The following KIAA1958 variants were observed in gnomAD, a reference collection of about 807,000 sequenced individuals.
KIAA1958 encodes the protein uncharacterized protein KIAA1958.
KIAA1958 carries 14 observed loss-of-function variants against 47.2 expected under a neutral mutation model. That is an observed-to-expected ratio of 0.30 (90% CI 0.20 to 0.46). The LOEUF (loss-of-function observed/expected upper bound fraction) is 0.46. Ranked by LOEUF, KIAA1958 falls within the 20% of genes least tolerant of loss-of-function variation. The probability of loss-of-function intolerance (pLI) is 1.00; values close to 1 mark genes in which losing one functional copy is unlikely to be tolerated. For missense variants in KIAA1958, 803 were observed against 909.2 expected (o/e 0.88, Z 1.50); for synonymous variants, 354 against 353.3 (o/e 1.00, Z -0.02).
intron 1 of KIAA1958, among the ~76,000 whole-genome samples, chr9:112,508,402 T>C (rs1834268125): frequency 6.6e-6 from 1 of 152,244 alleles, no homozygotes. Context: ...TAAATTCTCA[T>C]TCTATTTCTA....
chr9:112,616,928 G>A (rs1300799295), intron 2 of KIAA1958, among the ~76,000 whole-genome samples: 2 of 152,174 alleles, frequency 1.3e-5, no homozygotes, highest in African/African-American at 4.8e-5. Context: ...TGAACACAGA[G>A]ATGCTGGTTA....
At chr9:112,531,926 C>G (rs1834758265) in intron 1 of KIAA1958, among the ~76,000 whole-genome samples, 1 of 152,190 alleles carries the variant, frequency 6.6e-6, no homozygotes, top group South Asian at 2.1e-4. Flanking sequence ...CCCTAAAGCT[C>G]TTGGAGCAAA....
chr9:112,628,907 G>C (rs142831958), intron 2 of KIAA1958, among the ~76,000 whole-genome samples: 1 of 152,148 alleles, frequency 6.6e-6, no homozygotes, highest in African/African-American at 2.4e-5. Context: ...TACCTTTTAT[G>C]TTGTAGCCTG....
intron 2 of KIAA1958, among the ~76,000 whole-genome samples, chr9:112,579,498 G>T (rs987498459): frequency 3.3e-5 from 5 of 151,826 alleles, no homozygotes; most frequent in African/African-American, 1.2e-4. Flanking sequence ...AGCTTCATTT[G>T]TTGAATAATT....
intron 2 of KIAA1958, among the ~76,000 whole-genome samples, chr9:112,588,625 TTG>T (rs1408282058): frequency 6.6e-6 from 1 of 152,080 alleles, no homozygotes; most frequent in African/African-American, 2.4e-5. Flanking sequence ...TTTTGTTACT[TTG>T]TGTGTGTGTG....
chr9:112,569,635 T>C (rs1161442083), intron 1 of KIAA1958, among the ~76,000 whole-genome samples: 1 of 152,100 alleles, frequency 6.6e-6, no homozygotes, highest in African/African-American at 2.4e-5. Context: ...TTTTTTTTTT[T>C]TTTGAGACAA....
At chr9:112,489,534 TA>T (rs1833926588) in intron 1 of KIAA1958, among the ~76,000 whole-genome samples, 1 of 151,686 alleles carries the variant, frequency 6.6e-6, no homozygotes, top group Non-Finnish European at 1.5e-5. Flanking sequence ...TAATTAGCAA[TA>T]ATATTTTAGT....
chr9:112,610,349 AC>A (rs1193636132), intron 2 of KIAA1958, among the ~76,000 whole-genome samples: 1 of 152,054 alleles, frequency 6.6e-6, no homozygotes. Context: ...AAGATAGTTA[AC>A]AAAAACAGAG....
intron 2 of KIAA1958, among the ~76,000 whole-genome samples, chr9:112,583,236 A>T (rs532042976): frequency 1.3e-5 from 2 of 152,346 alleles, no homozygotes; most frequent in African/African-American, 4.8e-5. Flanking sequence ...TGCCAGTCAA[A>T]TGCATCCACA....
intron 1 of KIAA1958, among the ~76,000 whole-genome samples, chr9:112,497,368 AAG>A (rs1354038233): frequency 6.6e-6 from 1 of 152,176 alleles, no homozygotes; most frequent in African/African-American, 2.4e-5. Flanking sequence ...TGGACACAAA[AAG>A]AGACATTAGG....
At chr9:112,611,776 A>C (rs1836332102) in intron 2 of KIAA1958, among the ~76,000 whole-genome samples, 2 of 152,078 alleles carry the variant, frequency 1.3e-5, no homozygotes, top group Non-Finnish European at 2.9e-5. Context: ...AATATACTGG[A>C]ATGTTCTGAA....
rs149523317 is a variant in KIAA1958, at chr9:112,528,559, G to T, written c.-25+41441G>T. On this transcript the variant is annotated intron_variant, in intron 1 of 3. Transcript: ENST00000337530. ...TTATTTAGAGACAAAGTCTTGCTCT[G>T]TTGTCCAGGCTGAAGTGCAGTGGCA... Among the ~76,000 whole-genome samples the T allele has an allele frequency of 3.9e-3, 588 of 152,262 alleles. 3 individuals carry two copies. Among genetic ancestry groups the T allele is most frequent in the African/African-American group, 0.013 (529 of 41,538 alleles).
chr9:112,667,694 A>T lies in KIAA1958; in HGVS notation c.*7625A>T, dbSNP rs1472375935. The T allele has an allele frequency of 1.3e-5, 2 of 152,210 alleles. No individual in the cohort carries two copies. The highest frequency in any genetic ancestry group is 1.3e-4 in the Admixed American group (2 of 15,276). The allele number at this position is 152,210 out of a possible 1,614,324, so 9.4% of individuals were successfully genotyped here. Reference sequence around the variant, plus strand: ...ACAATAGAGAATTGTGAGGGGGAAAAGTTGTGACTTTGGAATTTTATACAT... The same window carrying T: ...ACAATAGAGAATTGTGAGGGGGAAATGTTGTGACTTTGGAATTTTATACAT... On this transcript the variant is annotated 3_prime_UTR_variant, in exon 4 of 4. Transcript: ENST00000337530.
chr9:112,488,884 A>G (rs540125642), intron 1 of KIAA1958, among the ~76,000 whole-genome samples: 1 of 152,316 alleles, frequency 6.6e-6, no homozygotes, highest in African/African-American at 2.4e-5. Context: ...TAAACAGATT[A>G]ATATTATTGC....
Position 112,574,733 on chromosome 9 carries a change from A to G in KIAA1958, c.653A>G (p.Glu218Gly). Residue 218 changes from glutamate (E) to glycine (G), a missense_variant, in exon 2 of 4, where the codon GAA becomes GGA. By Grantham distance (98) the Glu-to-Gly change is moderately conservative (BLOSUM62 -2). Coordinates refer to ENST00000337530, the MANE Select transcript of KIAA1958 (RefSeq NM_133465.4). ...GATTATTACATTGTGGCAAATGCAG[A>G]ACTGACAGGAGGAGTAGATGGACCA... The part of the protein sequence containing the change: ...PEDYYIVANA[E>G]LTGGVDGPAL... The G allele has an allele frequency of 1.2e-6, 2 of 1,614,196 alleles. No individual in the cohort carries two copies. Among genetic ancestry groups the G allele is most frequent in the Non-Finnish European group, 1.7e-6 (2 of 1,180,032 alleles).
intron 2 of KIAA1958, among the ~76,000 whole-genome samples, chr9:112,638,230 C>T (rs1320735787): frequency 2.6e-5 from 4 of 152,080 alleles, no homozygotes; most frequent in African/African-American, 9.7e-5. Context: ...GAAGGCTGGG[C>T]ACAGTGGATC....
intron 1 of KIAA1958, among the ~76,000 whole-genome samples, chr9:112,521,555 A>T (rs1458011958): frequency 1.3e-5 from 2 of 151,914 alleles, no homozygotes; most frequent in African/African-American, 4.8e-5. Flanking sequence ...TTTTTTAAAG[A>T]TTTTCTCTTA....
chr9:112,569,773 T>C (rs1289418893), intron 1 of KIAA1958, among the ~76,000 whole-genome samples: 1 of 151,906 alleles, frequency 6.6e-6, no homozygotes, highest in Admixed American at 6.6e-5. Context: ...GGTGTGCGCC[T>C]CCATGCCTGA....
chr9:112,572,363 C>T (rs1835554374), intron 1 of KIAA1958, among the ~76,000 whole-genome samples: 1 of 152,158 alleles, frequency 6.6e-6, no homozygotes, highest in Non-Finnish European at 1.5e-5. Context: ...CGACTGCATA[C>T]TAGACAATAG....
Sources: allele counts gnomAD v4.1 joint callset (sites outside exome capture counted in the v4.1 genomes callset), GRCh38; gene constraint gnomAD v4.1.1; transcripts MANE v1.5; gene names NCBI Gene and HGNC (gene_info 2026-07-23, HGNC 2026-07-21).